PDGFC: variants seen among roughly 807,000 people sequenced by gnomAD.
PDGFC encodes platelet-derived growth factor C.
PDGFC carries 12 observed loss-of-function variants against 35.5 expected under a neutral mutation model. That is an observed-to-expected ratio of 0.34 (90% CI 0.22 to 0.55). The LOEUF (loss-of-function observed/expected upper bound fraction) is 0.55, where lower values mean the gene tolerates loss of function less well. Ranked by LOEUF, PDGFC falls within the 20% of genes least tolerant of loss-of-function variation. PDGFC has a pLI of 0.91. For synonymous variants in PDGFC, 159 were observed against 148.8 expected (o/e 1.07, Z -0.50); for missense variants, 322 against 412.4 (o/e 0.78, Z 1.90).
intron 2 of PDGFC, among the ~76,000 whole-genome samples, chr4:156,842,741 T>G (rs1247461401): frequency 2.6e-5 from 4 of 152,296 alleles, no homozygotes; most frequent in Non-Finnish European, 4.4e-5. Context: ...TCTCAAATTA[T>G]TTTCTCTATC....
chr4:156,828,527 C>A (rs569353780), intron 2 of PDGFC, among the ~76,000 whole-genome samples: 1 of 152,242 alleles, frequency 6.6e-6, no homozygotes, highest in Admixed American at 6.5e-5. Flanking sequence ...AAAGAGCTAT[C>A]AGAAATTTTG....
intron 2 of PDGFC, among the ~76,000 whole-genome samples, chr4:156,827,837 C>T (rs1291001635): frequency 6.6e-6 from 1 of 152,126 alleles, no homozygotes; most frequent in Non-Finnish European, 1.5e-5. Context: ...AAGTAATATC[C>T]AATCCATGGC....
intron 2 of PDGFC, among the ~76,000 whole-genome samples, chr4:156,821,625 G>A (rs1278843003): frequency 6.6e-6 from 1 of 152,148 alleles, no homozygotes; most frequent in Non-Finnish European, 1.5e-5. Context: ...TTGGCTCACT[G>A]CAATCTCTGC....
At chr4:156,933,787 G>A (rs1446325392) in intron 1 of PDGFC, among the ~76,000 whole-genome samples, 1 of 152,016 alleles carries the variant, frequency 6.6e-6, no homozygotes, top group Non-Finnish European at 1.5e-5. Flanking sequence ...AAGACCTGAT[G>A]GTTTAAAAGT....
chr4:156,898,499 C>T (rs569058604), intron 1 of PDGFC, among the ~76,000 whole-genome samples: 2 of 152,298 alleles, frequency 1.3e-5, no homozygotes, highest in South Asian at 4.2e-4. Context: ...TCCCAGCCCT[C>T]TCACTTTCAC....
chr4:156,794,694 T>C (rs537170740), intron 3 of PDGFC, among the ~76,000 whole-genome samples: 1 of 152,176 alleles, frequency 6.6e-6, no homozygotes, highest in South Asian at 2.1e-4. Context: ...GAACACTCAC[T>C]CCTTCAAACT....
intron 2 of PDGFC, among the ~76,000 whole-genome samples, chr4:156,826,662 T>A (rs1172435811): frequency 6.6e-6 from 1 of 152,184 alleles, no homozygotes; most frequent in Non-Finnish European, 1.5e-5. Context: ...TTGCAAAAGG[T>A]GATGGACTTT....
At chr4:156,934,997 TTTTG>T (rs544140091) in intron 1 of PDGFC, among the ~76,000 whole-genome samples, 43 of 152,188 alleles carry the variant, frequency 2.8e-4, no homozygotes, top group Admixed American at 6.5e-4. Flanking sequence ...TTTTGTTTTG[TTTTG>T]TTTGTTTGTT....
intron 1 of PDGFC, among the ~76,000 whole-genome samples, chr4:156,943,245 G>C (rs890880048): frequency 1.3e-5 from 2 of 152,036 alleles, no homozygotes; most frequent in African/African-American, 4.8e-5. Context: ...TAATACCTAT[G>C]ATGTAGCTCA....
chr4:156,865,608 A>G (rs1041938651), intron 1 of PDGFC, among the ~76,000 whole-genome samples: 2 of 152,170 alleles, frequency 1.3e-5, no homozygotes, highest in Admixed American at 6.5e-5. Flanking sequence ...AAAAGACACT[A>G]CCATCACCAC....
chr4:156,919,412 C>G (rs929840281), intron 1 of PDGFC, among the ~76,000 whole-genome samples: 1 of 152,186 alleles, frequency 6.6e-6, no homozygotes, highest in African/African-American at 2.4e-5. Context: ...ATACTCCCAA[C>G]TGAAGAGGGA....
intron 1 of PDGFC, among the ~76,000 whole-genome samples, chr4:156,946,265 T>C (rs1731945255): frequency 6.6e-6 from 1 of 152,094 alleles, no homozygotes; most frequent in African/African-American, 2.4e-5. Flanking sequence ...CCACCTAGAA[T>C]ATGGACTATG....
Position 156,971,040 on chromosome 4 carries a change from G to A in PDGFC, c.-137C>T, listed in dbSNP as rs1052512703. ...CTGCTCTGGCAGCAGAGAATCGCAG[G>A]GTAGTTTCCACATAATCCCATCCAA... On this transcript the variant is annotated 5_prime_UTR_variant, in exon 1 of 6. Transcript: ENST00000502773. 1 of 621,112 alleles carries A rather than the reference G, an allele frequency of 1.6e-6. No individual in the cohort carries two copies. Among genetic ancestry groups the A allele is most frequent in the Non-Finnish European group, 2.9e-6 (1 of 348,106 alleles). 38.5% of individuals were successfully genotyped at this position (621,112 alleles called of 1,614,324 possible). A position where few individuals can be genotyped will look rare whatever the true frequency, so the allele number is the denominator to read the frequency against.
At chr4:156,872,884 C>A (rs1225321581) in intron 1 of PDGFC, among the ~76,000 whole-genome samples, 1 of 152,148 alleles carries the variant, frequency 6.6e-6, no homozygotes, top group Non-Finnish European at 1.5e-5. Flanking sequence ...TAATCCCACC[C>A]CTTGGGAGGC....
At chr4:156,844,157 T>A (rs1035632452) in intron 2 of PDGFC, among the ~76,000 whole-genome samples, 1 of 152,156 alleles carries the variant, frequency 6.6e-6, no homozygotes, top group African/African-American at 2.4e-5. Flanking sequence ...AGAAAGCAAA[T>A]AAACTCAGCT....
intron 1 of PDGFC, among the ~76,000 whole-genome samples, chr4:156,908,572 T>A (rs1730970672): frequency 6.6e-6 from 1 of 152,166 alleles, no homozygotes; most frequent in African/African-American, 2.4e-5. Flanking sequence ...CAAAATAACC[T>A]ATGTGGCAAA....
chr4:156,825,593 T>TAATAATAAGAAGAAG (rs1267062505), intron 2 of PDGFC, among the ~76,000 whole-genome samples: 25 of 62,184 alleles, frequency 4.0e-4, no homozygotes, highest in African/African-American at 1.0e-3. Flanking sequence ...ATAATAATAA[T>TAATAATAAGAAGAAG]AAGAAGAAGA....
intron 1 of PDGFC, among the ~76,000 whole-genome samples, chr4:156,945,747 A>G (rs1731932788): frequency 6.6e-6 from 1 of 151,978 alleles, no homozygotes; most frequent in Non-Finnish European, 1.5e-5. Context: ...GGGAATTTTA[A>G]TGACCAAAGA....
At chr4:156,818,987 A>T (rs547308555) in intron 2 of PDGFC, among the ~76,000 whole-genome samples, 14 of 152,142 alleles carry the variant, frequency 9.2e-5, no homozygotes, top group East Asian at 3.9e-4. Context: ...TGCTCAAATT[A>T]AAAAAATGTG....
Sources: gnomAD v4.1 joint callset for allele counts (sites outside exome capture counted in the v4.1 genomes callset) on GRCh38, gnomAD v4.1.1 for gene constraint, MANE v1.5 for transcripts, NCBI Gene and HGNC (gene_info 2026-07-23, HGNC 2026-07-21) for gene names.